Variants in ANKRD55 observed in about 807,000 individuals in gnomAD.
The protein encoded by ANKRD55 is ankyrin repeat domain 55, also known as ankyrin repeat domain-containing protein 55.
Under a neutral mutation model 60.6 loss-of-function variants are expected in ANKRD55, and 41 were observed. The observed-to-expected ratio is 0.68, with a 90% CI of 0.53 to 0.88. ANKRD55 has a LOEUF of 0.88. ANKRD55 is among the 40% of genes least tolerant of loss of function. ANKRD55 has a pLI of 0.00. For synonymous variants in ANKRD55, 264 were observed against 290.3 expected (o/e 0.91, Z 0.92); for missense variants, 732 against 767.6 (o/e 0.95, Z 0.55).
chr5:56,110,825 T>TG (rs2111673513), intron 10 of ANKRD55, among the ~76,000 whole-genome samples: 1 of 152,360 alleles, frequency 6.6e-6, no homozygotes, highest in East Asian at 1.9e-4. Flanking sequence ...TCCTTGCTAG[T>TG]GGAAATAGTA....
Position 56,193,701 on chromosome 5 carries a change from T to C in ANKRD55, c.59-10067A>G, listed in dbSNP as rs1759163527. 2.0e-5 allele frequency: 4 copies of C among 200,704 alleles called. No homozygotes were observed. The South Asian group carries it at 2.9e-4, about 14-fold the overall frequency. 12.4% of individuals were successfully genotyped at this position (200,704 alleles called of 1,614,324 possible). ...ATTGCCCTGAAGAAGGACTTCTGCA[T>C]TTCTGACATAGAGCACTGGAATCCC... is the stretch of plus-strand genomic sequence containing the variant. On this transcript the variant is annotated intron_variant, in intron 2 of 11. Coordinates refer to ENST00000341048, the MANE Select transcript of ANKRD55 (RefSeq NM_024669.3).
intron 8 of ANKRD55, among the ~76,000 whole-genome samples, chr5:56,120,184 G>A (rs1401607241): frequency 1.3e-5 from 2 of 151,872 alleles, no homozygotes; most frequent in African/African-American, 2.4e-5. Context: ...TTACAGGCAC[G>A]GGCCACCACA....
intron 10 of ANKRD55, among the ~76,000 whole-genome samples, chr5:56,103,058 C>T (rs993360048): frequency 6.6e-6 from 1 of 152,170 alleles, no homozygotes; most frequent in Non-Finnish European, 1.5e-5. Context: ...GTTATTAGAT[C>T]AGAATCTCTG....
intron 7 of ANKRD55, among the ~76,000 whole-genome samples, chr5:56,134,966 A>C (rs1757520665): frequency 6.6e-6 from 1 of 152,244 alleles, no homozygotes; most frequent in African/African-American, 2.4e-5. Context: ...AATTAATGTA[A>C]TCAACCACAT....
intron 6 of ANKRD55, among the ~76,000 whole-genome samples, chr5:56,146,012 A>T (rs1172779434): frequency 2.0e-5 from 3 of 152,160 alleles, no homozygotes; most frequent in Non-Finnish European, 4.4e-5. Context: ...AGGGAATTAT[A>T]TTTTAAAATT....
Position 56,176,278 on chromosome 5 carries a change from G to T in ANKRD55, c.186C>A (p.Cys62Ter). Residue 62 changes from cysteine (C) to a stop codon, truncating the protein, a stop_gained, in exon 4 of 12, where the codon TGC becomes TGA. Coordinates refer to ENST00000341048, the MANE Select transcript of ANKRD55 (RefSeq NM_024669.3). LOFTEE classifies it high-confidence loss of function. Reference protein sequence around the residue: ...SILECCDSEGCTPLMHAVSGR... With the variant: ...SILECCDSEG ...CAGAAACCGCATGCATCAAGGGCGT[G>T]CATCCTGGAATGAGACATTTCAACA... 1 of 1,614,176 alleles carries T rather than the reference G, an allele frequency of 6.2e-7. No homozygotes were observed. The highest frequency in any genetic ancestry group is 8.5e-7 in the Non-Finnish European group (1 of 1,180,022).
chr5:56,194,350 A>G (rs1759180228), intron 2 of ANKRD55, among the ~76,000 whole-genome samples: 1 of 151,880 alleles, frequency 6.6e-6, no homozygotes, highest in South Asian at 2.1e-4. Flanking sequence ...TTATAAAGAA[A>G]TATTGTTGCT....
At chr5:56,211,227 T>C (rs973246092) in intron 2 of ANKRD55, among the ~76,000 whole-genome samples, 20 of 152,184 alleles carry the variant, frequency 1.3e-4, no homozygotes, top group African/African-American at 4.8e-4. Flanking sequence ...AAAAACAGTA[T>C]CTCCGAGTCT....
chr5:56,111,922 G>T, intron 9 of ANKRD55, 140 bp from the exon 10 acceptor site: 1 of 756,816 alleles, frequency 1.3e-6, no homozygotes, highest in Non-Finnish European at 1.9e-6. Context: ...GCCTTCTCAA[G>T]TTAAAGGCAG....
At chr5:56,114,371 ATATTT>A (rs1169116618) in intron 9 of ANKRD55, 1 of 152,452 alleles carries the variant, frequency 6.6e-6, no homozygotes, top group Non-Finnish European at 1.5e-5. Flanking sequence ...AATACAGTGA[ATATTT>A]CATTTCAAGA....
chr5:56,176,787 A>G (rs1758746761), intron 3 of ANKRD55, among the ~76,000 whole-genome samples: 1 of 152,238 alleles, frequency 6.6e-6, no homozygotes, highest in Non-Finnish European at 1.5e-5. Context: ...GAATCAATAT[A>G]GGTCAAGGCA....
At chr5:56,122,239 T>C (rs530345512) in intron 8 of ANKRD55, among the ~76,000 whole-genome samples, 1 of 152,160 alleles carries the variant, frequency 6.6e-6, no homozygotes, top group Non-Finnish European at 1.5e-5. Flanking sequence ...CAGCAGGAGA[T>C]CAGAGTTTGA....
chr5:56,184,712 A>T (rs1561284547), intron 2 of ANKRD55, among the ~76,000 whole-genome samples: 1 of 151,950 alleles, frequency 6.6e-6, no homozygotes, highest in Non-Finnish European at 1.5e-5. Flanking sequence ...AGCCTGGGCA[A>T]CACAGTGAGA....
chr5:56,187,487 C>A (rs1395405970), intron 2 of ANKRD55, among the ~76,000 whole-genome samples: 1 of 152,252 alleles, frequency 6.6e-6, no homozygotes, highest in Non-Finnish European at 1.5e-5. Context: ...AATCTTGCAA[C>A]TGCACACTCT....
intron 8 of ANKRD55, among the ~76,000 whole-genome samples, chr5:56,117,336 A>G (rs1444246440): frequency 1.3e-5 from 2 of 152,202 alleles, no homozygotes; most frequent in South Asian, 2.1e-4. Flanking sequence ...CTATTAAAGT[A>G]TAAGTGTTTT....
At chr5:56,121,250 T>C (rs1757044843) in intron 8 of ANKRD55, among the ~76,000 whole-genome samples, 1 of 152,172 alleles carries the variant, frequency 6.6e-6, no homozygotes, top group Admixed American at 6.5e-5. Context: ...TTAGGTTTCC[T>C]ACTAATCTAG....
intron 3 of ANKRD55, among the ~76,000 whole-genome samples, chr5:56,182,635 A>G (rs1758875266): frequency 6.6e-6 from 1 of 151,886 alleles, no homozygotes; most frequent in Admixed American, 6.6e-5. Flanking sequence ...TGGTATGACG[A>G]GTGATTTTTG....
intron 2 of ANKRD55, chr5:56,193,498 G>T (rs548735995): frequency 8.6e-6 from 4 of 462,800 alleles, no homozygotes; most frequent in East Asian, 4.9e-5. Context: ...AACTGTGTAT[G>T]TGTTAGAATA....
chr5:56,184,992 G>A (rs1048973701), intron 2 of ANKRD55, among the ~76,000 whole-genome samples: 1 of 151,954 alleles, frequency 6.6e-6, no homozygotes, highest in Admixed American at 6.6e-5. Context: ...AGGCCGAGGC[G>A]GGCGGATCAC....
Sources: gnomAD v4.1 joint callset for allele counts (sites outside exome capture counted in the v4.1 genomes callset) on GRCh38, gnomAD v4.1.1 for gene constraint, MANE v1.5 for transcripts, NCBI Gene and HGNC (gene_info 2026-07-23, HGNC 2026-07-21) for gene names.